ZBTB20: variants seen among roughly 807,000 people sequenced by gnomAD.
The protein encoded by ZBTB20 is zinc finger and BTB domain containing 20.
In ZBTB20, 9 loss-of-function variants were observed where a neutral mutation model predicts 56.9. The observed-to-expected ratio is 0.16, with a 90% CI of 0.10 to 0.28. The LOEUF (loss-of-function observed/expected upper bound fraction) is 0.28. Among genes scored for constraint, ZBTB20 ranks in the 10% least tolerant of loss-of-function variants. ZBTB20 has a pLI of 1.00. For synonymous variants in ZBTB20, 417 were observed against 420.7 expected (o/e 0.99, Z 0.11); for missense variants, 655 against 1,003.0 (o/e 0.65, Z 4.69).
chr3:114,667,023 A>C (rs1223184553), intron 6 of ZBTB20, among the ~76,000 whole-genome samples: 2 of 152,054 alleles, frequency 1.3e-5, no homozygotes, highest in Non-Finnish European at 2.9e-5. Context: ...TAAAAGCGTA[A>C]AATGAAAAGT....
intron 1 of ZBTB20, among the ~76,000 whole-genome samples, chr3:115,091,157 TATA>T (rs761734815): frequency 6.6e-6 from 1 of 151,992 alleles, no homozygotes; most frequent in East Asian, 1.9e-4. Context: ...ATTCATCCAT[TATA>T]ATACTATTTA....
chr3:114,905,547 T>C (rs909638320), intron 3 of ZBTB20, among the ~76,000 whole-genome samples: 2 of 151,872 alleles, frequency 1.3e-5, no homozygotes, highest in Admixed American at 6.6e-5. Context: ...GTGTGGTAGG[T>C]AGGTCTTAAA....
intron 6 of ZBTB20, among the ~76,000 whole-genome samples, chr3:114,540,301 T>C (rs991719382): frequency 3.9e-5 from 6 of 152,244 alleles, no homozygotes; most frequent in South Asian, 2.1e-4. Context: ...AATCAACCCA[T>C]AATTTTTAAG....
chr3:114,581,479 C>T (rs1024761209), intron 6 of ZBTB20, among the ~76,000 whole-genome samples: 3 of 151,838 alleles, frequency 2.0e-5, no homozygotes, highest in Non-Finnish European at 4.4e-5. Context: ...TAAAAGGGCA[C>T]CTACAAATTG....
chr3:115,101,137 G>A (rs1486734233), intron 1 of ZBTB20, among the ~76,000 whole-genome samples: 1 of 152,208 alleles, frequency 6.6e-6, no homozygotes, highest in East Asian at 1.9e-4. Context: ...GGTGCAATGC[G>A]TATAGTACAT....
Position 114,380,331 on chromosome 3 carries a change from C to T in ZBTB20, c.85G>A (p.Ala29Thr), listed in dbSNP as rs545197496. ...NEITQPGGSS[A>T]KPGLPCLNFE... ...TTCAGGCAGGGAAGGCCCGGCTTGGCGCTGGATCCACCCGGCTGAGTAATC... is the reference window on the plus strand; with the variant it reads ...TTCAGGCAGGGAAGGCCCGGCTTGGTGCTGGATCCACCCGGCTGAGTAATC... The change falls in exon 10 of 12, where the codon GCC becomes ACC. Residue 29 changes from alanine to threonine, a missense_variant. By Grantham distance (58) the Ala-to-Thr change is moderately conservative (BLOSUM62 0). Coordinates refer to ENST00000675478, the MANE Select transcript of ZBTB20 (RefSeq NM_001348800.3). 86 of 1,537,154 alleles carry T rather than the reference C, an allele frequency of 5.6e-5. No individual in the cohort carries two copies. In the East Asian group the frequency reaches 1.2e-3, roughly 22 times the overall value.
chr3:114,393,072 T>A (rs530942357), intron 7 of ZBTB20, among the ~76,000 whole-genome samples: 5 of 152,350 alleles, frequency 3.3e-5, no homozygotes, highest in Admixed American at 2.6e-4. Context: ...TTAATCAAAC[T>A]CTTTTTGGCC....
At chr3:114,863,514 T>C (rs2075629289) in intron 4 of ZBTB20, among the ~76,000 whole-genome samples, 1 of 152,086 alleles carries the variant, frequency 6.6e-6, no homozygotes, top group African/African-American at 2.4e-5. Flanking sequence ...TGGTAAGAGT[T>C]TGCAACTCTA....
chr3:114,847,194 T>C (rs1279012425), intron 4 of ZBTB20, among the ~76,000 whole-genome samples: 1 of 152,068 alleles, frequency 6.6e-6, no homozygotes, highest in East Asian at 1.9e-4. Flanking sequence ...TCACAAGGGC[T>C]ATTTTTCACA....
intron 2 of ZBTB20, among the ~76,000 whole-genome samples, chr3:115,007,398 GT>G (rs2079520107): frequency 6.6e-6 from 1 of 151,708 alleles, no homozygotes; most frequent in South Asian, 2.1e-4. Context: ...TAAACAATGT[GT>G]TTTATGTGTT....
chr3:114,545,970 T>C (rs146908487), intron 6 of ZBTB20, among the ~76,000 whole-genome samples: 3 of 152,314 alleles, frequency 2.0e-5, no homozygotes, highest in Non-Finnish European at 2.9e-5. Flanking sequence ...CTTTACATAA[T>C]AGCTGTCCCT....
intron 1 of ZBTB20, among the ~76,000 whole-genome samples, chr3:115,131,124 G>A (rs1011818779): frequency 3.9e-5 from 6 of 152,118 alleles, no homozygotes; most frequent in Admixed American, 3.3e-4. Context: ...CATAAGTGGG[G>A]TTTTGAACAT....
At chr3:114,921,868 A>G (rs2075973430) in intron 3 of ZBTB20, among the ~76,000 whole-genome samples, 1 of 152,166 alleles carries the variant, frequency 6.6e-6, no homozygotes, top group Non-Finnish European at 1.5e-5. Context: ...TATAATAAAT[A>G]TACACATATA....
At chr3:114,496,554 C>G (rs1332224214) in intron 7 of ZBTB20, among the ~76,000 whole-genome samples, 1 of 152,136 alleles carries the variant, frequency 6.6e-6, no homozygotes, top group African/African-American at 2.4e-5. Flanking sequence ...TTAAACACAC[C>G]CACGCATATC....
At chr3:114,399,688 G>A (rs1225207854) in intron 7 of ZBTB20, among the ~76,000 whole-genome samples, 1 of 152,040 alleles carries the variant, frequency 6.6e-6, no homozygotes, top group Admixed American at 6.6e-5. Flanking sequence ...AGGCCACCGG[G>A]GCAAGACTGC....
chr3:114,384,799 A>C (rs2084887797), intron 8 of ZBTB20, among the ~76,000 whole-genome samples: 1 of 152,260 alleles, frequency 6.6e-6, no homozygotes, highest in Non-Finnish European at 1.5e-5. Flanking sequence ...GTATGTGGAA[A>C]GAAATATGCA....
chr3:115,056,115 T>C (rs1506024), intron 2 of ZBTB20, among the ~76,000 whole-genome samples: 91,090 of 151,908 alleles, frequency 0.6, 30,124 homozygotes, highest in Non-Finnish European at 0.76. Context: ...GAGAGATACA[T>C]ATAAGCATGT....
At chr3:115,000,768 G>A (rs1307735333) in intron 2 of ZBTB20, among the ~76,000 whole-genome samples, 1 of 151,440 alleles carries the variant, frequency 6.6e-6, no homozygotes, top group African/African-American at 2.4e-5. Flanking sequence ...TGGATAAACT[G>A]GTCTCCAAAA....
In ZBTB20 at chr3:114,561,968, A is replaced by G. The variant is rs557999347; in HGVS notation, c.-294-61577T>C. ...ATTATCTTAGCTAGATCATCCAGAT[A>G]ACTTGCTTCTCTATCAGCACTTGAT... On this transcript the variant is annotated intron_variant, in intron 6 of 11. Coordinates refer to ENST00000675478, the MANE Select transcript of ZBTB20 (RefSeq NM_001348800.3). Among the ~76,000 whole-genome samples, 8 of 152,278 alleles carry G rather than the reference A, an allele frequency of 5.3e-5. No homozygotes were observed. In the East Asian group the frequency reaches 1.5e-3, roughly 29 times the overall value.
Sources: allele counts gnomAD v4.1 joint callset (sites outside exome capture counted in the v4.1 genomes callset), GRCh38; gene constraint gnomAD v4.1.1; transcripts MANE v1.5; gene names NCBI Gene and HGNC (gene_info 2026-07-23, HGNC 2026-07-21).